Variants in RIMS1 observed in about 807,000 individuals in gnomAD.
RIMS1 encodes the protein regulating synaptic membrane exocytosis protein 1.
Under a neutral mutation model 214.1 loss-of-function variants are expected in RIMS1, and 83 were observed. That is an observed-to-expected ratio of 0.39 (90% CI 0.32 to 0.47). The LOEUF (loss-of-function observed/expected upper bound fraction) is 0.47. RIMS1 is among the 20% of genes least tolerant of loss of function. RIMS1 has a pLI of 0.99. For synonymous variants in RIMS1, 793 were observed against 786.8 expected (o/e 1.01, Z -0.13); for missense variants, 2,050 against 2,161.8 (o/e 0.95, Z 1.03).
Position 72,312,673 on chromosome 6 carries a change from G to A in RIMS1, c.3964-833G>A, listed in dbSNP as rs189839801. ...TCTACTTTTGATTCTAAGTTAGTAG[G>A]TTAAATCTGAAACTGTCTAATGAAG... On this transcript the variant is annotated intron_variant, in intron 27 of 33. Coordinates refer to ENST00000521978, the MANE Select transcript of RIMS1 (RefSeq NM_014989.7). Among the ~76,000 whole-genome samples, 18 of 152,192 alleles carry A rather than the reference G, an allele frequency of 1.2e-4. No homozygotes were observed. In the Middle Eastern group the frequency reaches 0.014, roughly 115 times the overall value.
rs573738967 is a variant in RIMS1 at position 72,273,541 on chromosome 6, A to G, written c.3399-808A>G. 6.6e-5 allele frequency among the ~76,000 whole-genome samples: 10 copies of G among 152,264 alleles called. No homozygotes were observed. The South Asian group carries it at 1.2e-3, about 19-fold the overall frequency. On this transcript the variant is annotated intron_variant, in intron 22 of 33. Transcript: ENST00000521978. ...CTAAAGGTAGCTTAACAAAGGAATG[A>G]AACAGTTTTCTAACTTGTGTTTACT...
chr6:72,006,642 CAATGGTCTTAGCA>C (rs760040621), intron 2 of RIMS1, among the ~76,000 whole-genome samples: 68 of 152,316 alleles, frequency 4.5e-4, no homozygotes, highest in Non-Finnish European at 7.1e-4. Context: ...TGCGCTTTTC[CAATGGTCTTAGCA>C]AACGGCACAC....
At chr6:72,250,602 C>A in intron 13 of RIMS1, 142 bp downstream of exon 13, 1 of 619,192 alleles carries the variant, frequency 1.6e-6, no homozygotes, top group Non-Finnish European at 2.6e-6. Flanking sequence ...AAAAGAAGTC[C>A]CTCAAGTGTT....
chr6:71,913,338 G>A (rs1018371573), intron 1 of RIMS1, among the ~76,000 whole-genome samples: 2 of 152,118 alleles, frequency 1.3e-5, no homozygotes, highest in African/African-American at 4.8e-5. Context: ...GGGGCTTGAA[G>A]GGACGGTTAC....
At chr6:72,267,090 A>C (rs1047058105) in intron 22 of RIMS1, among the ~76,000 whole-genome samples, 19 of 152,142 alleles carry the variant, frequency 1.2e-4, no homozygotes, top group African/African-American at 4.6e-4. Context: ...ATTCTTTTAC[A>C]TTTGTAAACT....
At chr6:72,085,257 T>G (rs901820874) in intron 2 of RIMS1, among the ~76,000 whole-genome samples, 1 of 152,150 alleles carries the variant, frequency 6.6e-6, no homozygotes, top group Non-Finnish European at 1.5e-5. Flanking sequence ...ACTGTAGTAA[T>G]TTTCAAAAAT....
chr6:72,252,220 T>C (rs2073730250), intron 15 of RIMS1, among the ~76,000 whole-genome samples: 1 of 152,188 alleles, frequency 6.6e-6, no homozygotes, highest in Non-Finnish European at 1.5e-5. Context: ...TCTCACATAA[T>C]TAAATATTTC....
intron 19 of RIMS1, chr6:72,264,057 C>T (rs2079310326): frequency 1.2e-5 from 10 of 832,422 alleles, no homozygotes; most frequent in South Asian, 5.6e-5. Context: ...TAAGGGATTT[C>T]CTTTGATTTG....
intron 3 of RIMS1, 40 bp from the exon 4 acceptor site, chr6:72,099,935 C>T (rs780471349): frequency 6.3e-7 from 1 of 1,578,812 alleles, no homozygotes. Flanking sequence ...TTTTCTTTGT[C>T]TTCTTTCTCT....
intron 1 of RIMS1, among the ~76,000 whole-genome samples, chr6:71,958,771 G>A (rs759973686): frequency 1.3e-5 from 2 of 152,056 alleles, no homozygotes; most frequent in African/African-American, 2.4e-5. Context: ...CAGGTCAAGG[G>A]GGAAGCAGAT....
chr6:71,954,461 A>G (rs1420364218), intron 1 of RIMS1, among the ~76,000 whole-genome samples: 2 of 152,198 alleles, frequency 1.3e-5, no homozygotes, highest in African/African-American at 4.8e-5. Context: ...AAATTTTCCT[A>G]CATAAACCTG....
chr6:72,370,065 TAA>T lies in RIMS1; in HGVS notation c.4367-20530_4367-20529del, dbSNP rs375281282. Among the ~76,000 whole-genome samples the T allele has an allele frequency of 3.9e-4, 60 of 152,310 alleles. 1 individual carries two copies. Among genetic ancestry groups the T allele is most frequent in the African/African-American group, 1.4e-3 (58 of 41,566 alleles). ...AAGATTAAAGAGCTAAGAAAAGAAC[TAA>T]AATAGCACATAGTCATAGTTGTTCC... On this transcript the variant is annotated intron_variant, in intron 29 of 33. Transcript: ENST00000521978.
chr6:71,990,372 G>T (rs182579615), intron 2 of RIMS1, among the ~76,000 whole-genome samples: 63 of 152,170 alleles, frequency 4.1e-4, no homozygotes, highest in Non-Finnish European at 7.1e-4. Flanking sequence ...TGCTCCAAGG[G>T]CATAATTTTA....
intron 6 of RIMS1, among the ~76,000 whole-genome samples, chr6:72,194,140 C>A (rs1250288303): frequency 6.6e-6 from 1 of 152,066 alleles, no homozygotes; most frequent in African/African-American, 2.4e-5. Flanking sequence ...GCAGAAGAAT[C>A]AATATGGTTA....
In RIMS1 at chr6:72,274,622, G is replaced by C. The variant is rs137941005; in HGVS notation, c.3482+190G>C. ...CTGAAATGAGGATAGCATACAAATG[G>C]CAGAGTTTAAACCCAGTGAAGTCAG... On this transcript the variant is annotated intron_variant, in intron 23 of 33. Coordinates refer to ENST00000521978, the MANE Select transcript of RIMS1 (RefSeq NM_014989.7). Among the ~76,000 whole-genome samples, 18 of 152,300 alleles carry C rather than the reference G, an allele frequency of 1.2e-4. No individual in the cohort carries two copies. The Middle Eastern group carries it at 0.01, about 86-fold the overall frequency.
intron 2 of RIMS1, among the ~76,000 whole-genome samples, chr6:71,998,191 G>A (rs952143511): frequency 1.3e-5 from 2 of 152,052 alleles, no homozygotes; most frequent in African/African-American, 4.8e-5. Context: ...ACTTTATGTG[G>A]ATTTTCAATA....
intron 29 of RIMS1, among the ~76,000 whole-genome samples, chr6:72,342,897 G>A (rs1412844568): frequency 6.6e-6 from 1 of 151,718 alleles, no homozygotes; most frequent in Non-Finnish European, 1.5e-5. Flanking sequence ...TATTGCAATG[G>A]GGATATTGAA....
At chr6:72,299,726 G>A (rs2094439827) in intron 26 of RIMS1, among the ~76,000 whole-genome samples, 1 of 151,760 alleles carries the variant, frequency 6.6e-6, no homozygotes, top group Non-Finnish European at 1.5e-5. Flanking sequence ...TTGTACAGTT[G>A]TATAAATAAA....
chr6:72,354,268 C>A lies in RIMS1; in HGVS notation c.4366+20433C>A, dbSNP rs145648340. On this transcript the variant is annotated intron_variant, in intron 29 of 33. Coordinates refer to ENST00000521978, the MANE Select transcript of RIMS1 (RefSeq NM_014989.7). Reference sequence around the variant, plus strand: ...AAATAAATAAAACCCAGGCTTTGCGCCTACATATTCTGTCTTCTTAGCTAC... The same window carrying A: ...AAATAAATAAAACCCAGGCTTTGCGACTACATATTCTGTCTTCTTAGCTAC... Among the ~76,000 whole-genome samples the A allele has an allele frequency of 1.1e-3, 174 of 152,242 alleles. 1 individual carries two copies. The highest frequency in any genetic ancestry group is 2.5e-3 in the South Asian group (12 of 4,818).
Sources: gnomAD v4.1 joint callset for allele counts (sites outside exome capture counted in the v4.1 genomes callset) on GRCh38, gnomAD v4.1.1 for gene constraint, MANE v1.5 for transcripts, NCBI Gene and HGNC (gene_info 2026-07-23, HGNC 2026-07-21) for gene names.